Variants in GALNT13 observed in about 807,000 individuals in gnomAD.
GALNT13 encodes polypeptide N-acetylgalactosaminyltransferase 13.
GALNT13 carries 28 observed loss-of-function variants against 64.2 expected under a neutral mutation model. The ratio of observed to expected loss-of-function variants is 0.44; its 90% CI spans 0.32 to 0.60. The LOEUF is 0.60. GALNT13 is among the 20% of genes least tolerant of loss of function. GALNT13 has a pLI of 0.05. For missense variants in GALNT13, 577 were observed against 669.8 expected, an observed-to-expected ratio of 0.86 and a Z score of 1.53; for synonymous variants, 214 against 224.6, an observed-to-expected ratio of 0.95 and a Z score of 0.42.
the GALNT13 span, among the ~76,000 whole-genome samples, chr2:153,745,909 T>G: frequency 2.0e-5 from 3 of 152,266 alleles, no homozygotes; most frequent in Non-Finnish European, 2.9e-5. Flanking sequence ...TTCTGTATAT[T>G]GCAGTTTAAA....
intron 4 of GALNT13, among the ~76,000 whole-genome samples, chr2:154,186,281 A>G (rs1468865957): frequency 6.6e-6 from 1 of 152,070 alleles, no homozygotes; most frequent in Non-Finnish European, 1.5e-5. Flanking sequence ...CATCCTTTCC[A>G]GTAACAATGT....
chr2:154,430,709 C>G (rs1401344739), intron 11 of GALNT13, among the ~76,000 whole-genome samples: 2 of 152,116 alleles, frequency 1.3e-5, no homozygotes, highest in South Asian at 4.1e-4. Flanking sequence ...ACAGAAAAAT[C>G]TTTAGTGAAA....
At chr2:154,153,895 A>G (rs1462416511) in intron 4 of GALNT13, among the ~76,000 whole-genome samples, 1 of 152,220 alleles carries the variant, frequency 6.6e-6, no homozygotes, top group Admixed American at 6.5e-5. Context: ...GAGTGAGGCA[A>G]TGCCTTGCCC....
the GALNT13 span, among the ~76,000 whole-genome samples, chr2:153,720,375 A>G: frequency 2.0e-5 from 3 of 150,738 alleles, no homozygotes; most frequent in Non-Finnish European, 1.5e-5. Context: ...ACAGAGCAGA[A>G]AAACTGGAAA....
At chr2:153,490,879 G>A in the GALNT13 span, among the ~76,000 whole-genome samples, 1 of 149,862 alleles carries the variant, frequency 6.7e-6, no homozygotes, top group Admixed American at 6.7e-5. Context: ...AGAATCACTT[G>A]AACTCAGGAC....
rs532545813 is a variant in GALNT13, at chr2:154,255,600, C to A, written c.858-3421C>A. On this transcript the variant is annotated intron_variant, in intron 7 of 12. Transcript: ENST00000392825. ...CCACAATGAGAGGAAAGGAGCTATT[C>A]TTTTTTATGAGACAAGAGGAGAGAG... Among the ~76,000 whole-genome samples the A allele has an allele frequency of 7.2e-5, 11 of 152,226 alleles. No homozygotes were observed. In the South Asian group the frequency reaches 2.1e-3, roughly 29 times the overall value.
the GALNT13 span, among the ~76,000 whole-genome samples, chr2:153,713,702 T>G: frequency 6.6e-6 from 1 of 152,234 alleles, no homozygotes; most frequent in East Asian, 1.9e-4. Flanking sequence ...TAGGCCAGTC[T>G]TGAACTCCTG....
At chr2:153,303,774 T>C in the GALNT13 span, among the ~76,000 whole-genome samples, 3 of 152,146 alleles carry the variant, frequency 2.0e-5, no homozygotes, top group African/African-American at 7.2e-5. Context: ...ATATTGAATT[T>C]TGTCAAGATT....
At chr2:154,179,317 A>G (rs1559008043) in intron 4 of GALNT13, among the ~76,000 whole-genome samples, 2 of 152,206 alleles carry the variant, frequency 1.3e-5, no homozygotes, top group Admixed American at 1.3e-4. Flanking sequence ...CTCAATAAGT[A>G]TTCCGTGAAC....
the GALNT13 span, among the ~76,000 whole-genome samples, chr2:153,746,669 A>G: frequency 1.3e-5 from 2 of 152,150 alleles, no homozygotes; most frequent in African/African-American, 2.4e-5. Flanking sequence ...GCCGTAGGTT[A>G]TACTTATGTT....
intron 4 of GALNT13, among the ~76,000 whole-genome samples, chr2:154,240,311 G>C (rs967571792): frequency 2.0e-5 from 3 of 152,138 alleles, no homozygotes; most frequent in African/African-American, 7.2e-5. Flanking sequence ...GGATTTATAA[G>C]CAAAGTCAAA....
chr2:153,858,717 T>A, the GALNT13 span, among the ~76,000 whole-genome samples: 5 of 152,252 alleles, frequency 3.3e-5, no homozygotes, highest in South Asian at 8.3e-4. Flanking sequence ...TTATAGGTTT[T>A]TTTATTTATT....
intron 4 of GALNT13, among the ~76,000 whole-genome samples, chr2:154,194,930 C>T (rs1461364916): frequency 6.7e-6 from 1 of 149,410 alleles, no homozygotes; most frequent in Non-Finnish European, 1.5e-5. Context: ...CATAGATATA[C>T]ATATGCCATG....
At chr2:154,374,449 G>A (rs1697866588) in intron 9 of GALNT13, among the ~76,000 whole-genome samples, 1 of 152,070 alleles carries the variant, frequency 6.6e-6, no homozygotes, top group African/African-American at 2.4e-5. Flanking sequence ...ATGAGCTGTT[G>A]GAAGAGTTAG....
intron 3 of GALNT13, among the ~76,000 whole-genome samples, chr2:153,993,693 C>CT (rs1225043622): frequency 1.8e-5 from 1 of 54,566 alleles, no homozygotes; most frequent in Admixed American, 1.5e-4. Flanking sequence ...AAGACTCCAT[C>CT]TCAAAAAAAA....
At chr2:153,332,536 T>TG in the GALNT13 span, among the ~76,000 whole-genome samples, 3 of 143,138 alleles carry the variant, frequency 2.1e-5, no homozygotes, top group Admixed American at 1.4e-4. Context: ...AGAGTATTGT[T>TG]TTTTTTTTTT....
At chr2:153,896,670 T>C (rs1687915875) in intron 1 of GALNT13, among the ~76,000 whole-genome samples, 1 of 152,068 alleles carries the variant, frequency 6.6e-6, no homozygotes, top group South Asian at 2.1e-4. Flanking sequence ...GGTGTACAGA[T>C]TATATTGTCA....
chr2:153,797,930 A>C, the GALNT13 span, among the ~76,000 whole-genome samples: 1 of 152,156 alleles, frequency 6.6e-6, no homozygotes, highest in Non-Finnish European at 1.5e-5. Context: ...AGTAACTCTG[A>C]CATAAGCCCT....
intron 4 of GALNT13, among the ~76,000 whole-genome samples, chr2:154,212,405 G>A (rs1250629599): frequency 2.6e-5 from 4 of 151,820 alleles, no homozygotes; most frequent in South Asian, 2.1e-4. Context: ...CACCACGCCC[G>A]GCTAACTTTT....
Sources: allele counts gnomAD v4.1 joint callset (sites outside exome capture counted in the v4.1 genomes callset), GRCh38; gene constraint gnomAD v4.1.1; transcripts MANE v1.5; gene names NCBI Gene and HGNC (gene_info 2026-07-23, HGNC 2026-07-21).